Variants in SSUH2 observed in about 807,000 individuals in gnomAD.
SSUH2 encodes the protein ssu-2 homolog.
In SSUH2, 47 loss-of-function variants were observed where a neutral mutation model predicts 55.3. That is an observed-to-expected ratio of 0.85 (90% CI 0.67 to 1.08). The LOEUF is 1.08. Among genes scored for constraint, SSUH2 ranks in the 50% least tolerant of loss-of-function variants. SSUH2 has a pLI of 0.00. For synonymous variants in SSUH2, 212 were observed against 191.5 expected (o/e 1.11, Z -0.89); for missense variants, 535 against 490.7 (o/e 1.09, Z -0.85).
chr3:8,668,312 A>G (rs1439148167), intron 5 of SSUH2, among the ~76,000 whole-genome samples: 1 of 152,132 alleles, frequency 6.6e-6, no homozygotes, highest in African/African-American at 2.4e-5. Flanking sequence ...TTAAGACACT[A>G]TTTTTCACAG....
chr3:8,646,705 C>A (rs1363993485), upstream of SSUH2, among the ~76,000 whole-genome samples: 2 of 152,230 alleles, frequency 1.3e-5, no homozygotes, highest in African/African-American at 4.8e-5. Context: ...ATGTACCCAT[C>A]AACACCTAAC....
At chr3:8,643,818 C>A (rs1047748432) in intron 1 of SSUH2, among the ~76,000 whole-genome samples, 1 of 152,196 alleles carries the variant, frequency 6.6e-6, no homozygotes, top group African/African-American at 2.4e-5. Flanking sequence ...ATTTTGCCCA[C>A]ACCCTCATGG....
Position 8,635,275 on chromosome 3 carries a change from T to C in SSUH2, c.209+25A>G, listed in dbSNP as rs751921584. The C allele has an allele frequency of 4.6e-6, 7 of 1,521,100 alleles. No individual in the cohort carries two copies. The East Asian group carries it at 1.7e-4, about 37-fold the overall frequency. 94.2% of individuals were successfully genotyped at this position (1,521,100 alleles called of 1,614,324 possible). ...ATAGTGACATAGGAAATGCACACAG[T>C]CACAGAGTACAACCTGAAACTCACC... On this transcript the variant is annotated intron_variant, in intron 3 of 11. Coordinates refer to ENST00000544814, the MANE Select transcript of SSUH2 (RefSeq NM_001256748.3).
chr3:8,676,121 C>G (rs1705227863), intron 3 of SSUH2, among the ~76,000 whole-genome samples: 1 of 152,060 alleles, frequency 6.6e-6, no homozygotes, highest in South Asian at 2.1e-4. Context: ...CTCTTAGGAT[C>G]CACGGTGGAC....
At chr3:8,640,731 T>C (rs1218554198) in intron 1 of SSUH2, among the ~76,000 whole-genome samples, 1 of 151,914 alleles carries the variant, frequency 6.6e-6, no homozygotes, top group African/African-American at 2.4e-5. Flanking sequence ...ATTGAAAAAA[T>C]ATTTGGGGAA....
At chr3:8,623,523 C>A in intron 11 of SSUH2, 26 bp downstream of exon 11, 2 of 1,387,302 alleles carry the variant, frequency 1.4e-6, no homozygotes, top group Non-Finnish European at 2.0e-6. Context: ...ACGTCAGAGC[C>A]AGATGGCCCC....
intron 1 of SSUH2, among the ~76,000 whole-genome samples, chr3:8,681,117 G>T (rs1172129086): frequency 1.0e-5 from 1 of 96,530 alleles, no homozygotes; most frequent in Non-Finnish European, 2.4e-5. Context: ...CGGGTTCTGA[G>T]AGCCAGCCCC....
intron 6 of SSUH2, among the ~76,000 whole-genome samples, chr3:8,659,177 G>A (rs1575322237): frequency 6.6e-6 from 1 of 152,212 alleles, no homozygotes; most frequent in East Asian, 1.9e-4. Flanking sequence ...AAACATGGAT[G>A]TTTCATTGTC....
At position 8,658,639 on chromosome 3, in the gene SSUH2, T is replaced by C. The variant is rs73015957; in HGVS notation, c.-307+286A>G. Among the ~76,000 whole-genome samples, 745 of 152,310 alleles carry C rather than the reference T, an allele frequency of 4.9e-3. 4 individuals carry two copies. The highest frequency in any genetic ancestry group is 7.5e-3 in the Non-Finnish European group (512 of 68,012). Reference sequence around the variant, plus strand: ...ACTGGAAAGGCAAAGGCCAGACTATTTCTGGCTGCAAAAACAAGCCCCCGC... The same window carrying C: ...ACTGGAAAGGCAAAGGCCAGACTATCTCTGGCTGCAAAAACAAGCCCCCGC... On this transcript the variant is annotated intron_variant, in intron 7 of 18. Coordinates refer to the SSUH2 transcript ENST00000317371.
Position 8,635,368 on chromosome 3 carries a change from G to A in SSUH2, c.141C>T (p.Phe47=). The change falls in exon 3 of 12, where the codon TTC becomes TTT. Residue 47 remains phenylalanine, a synonymous_variant. Coordinates refer to ENST00000544814, the MANE Select transcript of SSUH2 (RefSeq NM_001256748.3). ...TCCCTGGGGCCTCCAAAGGTGGGAAGAATATCTGTCCTCCTGGAGAAGGGA... is the reference window on the plus strand; with the variant it reads ...TCCCTGGGGCCTCCAAAGGTGGGAAAAATATCTGTCCTCCTGGAGAAGGGA... ...WLLQGGRGQI[F]FPPLEAPGRP... is the part of the protein sequence containing the mutation. The A allele has an allele frequency of 6.5e-7, 1 of 1,535,938 alleles. No homozygotes were observed. Among genetic ancestry groups the A allele is most frequent in the South Asian group, 1.2e-5 (1 of 84,030 alleles).
chr3:8,680,223 C>G (rs1348209347), intron 1 of SSUH2, among the ~76,000 whole-genome samples: 1 of 152,104 alleles, frequency 6.6e-6, no homozygotes. Flanking sequence ...TTGGCAGCAA[C>G]TGCCCTGCTA....
At chr3:8,676,944 G>T (rs190267103) in intron 3 of SSUH2, among the ~76,000 whole-genome samples, 1 of 134,858 alleles carries the variant, frequency 7.4e-6, no homozygotes, top group African/African-American at 2.8e-5. Flanking sequence ...CCCATAGTAC[G>T]GGGGGAAGGC....
At chr3:8,675,207 C>T (rs62244232) in intron 3 of SSUH2, among the ~76,000 whole-genome samples, 32,956 of 152,070 alleles carry the variant, frequency 0.22, 3,579 homozygotes, top group East Asian at 0.29. Context: ...ACCTGAAAGA[C>T]GCTTTCTTTC....
At chr3:8,630,127 G>C (rs572829118) in intron 6 of SSUH2, among the ~76,000 whole-genome samples, 9 of 152,336 alleles carry the variant, frequency 5.9e-5, no homozygotes, top group Non-Finnish European at 1.2e-4. Context: ...CTAGCTACTA[G>C]TATTTAATCA....
At chr3:8,635,663 G>T in intron 2 of SSUH2, 96 bp downstream of exon 2, 1 of 1,199,102 alleles carries the variant, frequency 8.3e-7, no homozygotes, top group Non-Finnish European at 1.1e-6. Flanking sequence ...CAGGGAAAGG[G>T]GAGCTATCTC....
chr3:8,678,460 C>T (rs1366662265), intron 2 of SSUH2, among the ~76,000 whole-genome samples: 1 of 151,666 alleles, frequency 6.6e-6, no homozygotes, highest in African/African-American at 2.4e-5. Context: ...GCCTCTATCC[C>T]CCCCTGGCTC....
rs1044398756 is a variant in SSUH2 at position 8,632,225 on chromosome 3, G to T, written c.340-116C>A. On this transcript the variant is annotated intron_variant, in intron 4 of 11. Transcript: ENST00000544814. ...TCAGTGGGGAAACTGAGAGGTCCAT[G>T]CACAACACCCTCGGCTGCTGGAACT... 3 of 793,226 alleles carry T rather than the reference G, an allele frequency of 3.8e-6. No individual in the cohort carries two copies. In the African/African-American group the frequency reaches 5.2e-5, roughly 14 times the overall value. The allele number at this position is 793,226 out of a possible 1,614,324, so 49.1% of individuals were successfully genotyped here.
rs1705782599 is a variant in SSUH2 at position 8,679,362 on chromosome 3, CATTGGCGG to C, written c.-901+335_-901+342del. On this transcript the variant is annotated intron_variant, in intron 2 of 18. Coordinates refer to the SSUH2 transcript ENST00000317371. Reference sequence around the variant, plus strand: ...CCCCTTGCTCTTCCGACCCCCATCGCATTGGCGGGAGGCATCCCCCAGGAGGAGGGGAC... The same window carrying C: ...CCCCTTGCTCTTCCGACCCCCATCGCGAGGCATCCCCCAGGAGGAGGGGAC... 3.4e-5 allele frequency among the ~76,000 whole-genome samples: 3 copies of C among 88,414 alleles called. 1 individual carries two copies. The highest frequency in any genetic ancestry group is 2.6e-5 in the Non-Finnish European group (1 of 38,128). 58.0% of individuals were successfully genotyped at this position (88,414 alleles called of 152,430 possible). A position where few individuals can be genotyped will look rare whatever the true frequency, so the allele number is the denominator to read the frequency against.
chr3:8,626,225 A>G lies in SSUH2; in HGVS notation c.767+4T>C. The G allele has an allele frequency of 6.2e-7, 1 of 1,613,020 alleles. No homozygotes were observed. Among genetic ancestry groups the G allele is most frequent in the Non-Finnish European group, 8.5e-7 (1 of 1,179,054 alleles). On this transcript the variant is annotated splice_donor_region_variant and intron_variant, in intron 9 of 11. Coordinates refer to ENST00000544814, the MANE Select transcript of SSUH2 (RefSeq NM_001256748.3). ...TGCCACAGCATTGAGACACTGCCACATACCACATGATGACAAGCTGGATGA... is the reference window on the plus strand; with the variant it reads ...TGCCACAGCATTGAGACACTGCCACGTACCACATGATGACAAGCTGGATGA...
Sources: allele counts gnomAD v4.1 joint callset (sites outside exome capture counted in the v4.1 genomes callset), GRCh38; gene constraint gnomAD v4.1.1; transcripts MANE v1.5; gene names NCBI Gene and HGNC (gene_info 2026-07-23, HGNC 2026-07-21).